HS6ST3: variants seen among roughly 807,000 people sequenced by gnomAD.
The protein encoded by HS6ST3 is heparan sulfate 6-O-sulfotransferase 3, also known as heparan-sulfate 6-O-sulfotransferase 3.
A neutral mutation model predicts 36.7 loss-of-function variants in HS6ST3; 12 were observed. The observed-to-expected ratio is 0.33, with a 90% confidence interval of 0.21 to 0.53. The LOEUF is 0.53. Ranked by LOEUF, HS6ST3 falls within the 20% of genes least tolerant of loss-of-function variation. HS6ST3 has a pLI of 0.95. For missense variants in HS6ST3, 584 were observed against 640.9 expected (o/e 0.91, Z 0.96); for synonymous variants, 240 against 257.5 (o/e 0.93, Z 0.65).
At position 96,428,849 on chromosome 13, in the gene HS6ST3, A is replaced by G. The variant is rs778562720; in HGVS notation, c.707+337280A>G. 2.6e-5 allele frequency among the ~76,000 whole-genome samples: 4 copies of G among 152,354 alleles called. No homozygotes were observed. The South Asian group carries it at 8.3e-4, about 32-fold the overall frequency. ...GGAGAAAACCATCACAGCAAACATA[A>G]TGAAGCTCGATGAGGACAAAAATGC... On this transcript the variant is annotated intron_variant, in intron 1 of 1. Transcript: ENST00000376705.
intron 1 of HS6ST3, among the ~76,000 whole-genome samples, chr13:96,597,735 AT>A (rs201556537): frequency 6.6e-6 from 1 of 151,246 alleles, no homozygotes; most frequent in East Asian, 1.9e-4. Context: ...TTAAGTTATA[AT>A]TTTTTTTGCA....
intron 1 of HS6ST3, among the ~76,000 whole-genome samples, chr13:96,332,053 A>G (rs918389221): frequency 1.3e-5 from 2 of 152,172 alleles, no homozygotes; most frequent in Non-Finnish European, 2.9e-5. Flanking sequence ...CGCAGGGTGC[A>G]CGCACCCACT....
intron 1 of HS6ST3, among the ~76,000 whole-genome samples, chr13:96,331,003 G>A (rs1239343805): frequency 2.0e-5 from 3 of 151,922 alleles, no homozygotes; most frequent in East Asian, 1.9e-4. Flanking sequence ...CATTCTTCAC[G>A]TAGTTCTTGA....
At chr13:96,657,282 C>T (rs887730771) in intron 1 of HS6ST3, among the ~76,000 whole-genome samples, 6 of 152,020 alleles carry the variant, frequency 3.9e-5, no homozygotes, top group African/African-American at 1.2e-4. Flanking sequence ...GCTTTAAGGC[C>T]AGGCACAGTG....
chr13:96,579,803 AT>A (rs544417636), intron 1 of HS6ST3, among the ~76,000 whole-genome samples: 2 of 152,194 alleles, frequency 1.3e-5, no homozygotes, highest in South Asian at 4.2e-4. Flanking sequence ...CCCTGATGGC[AT>A]TTCTAGAGTG....
intron 1 of HS6ST3, among the ~76,000 whole-genome samples, chr13:96,189,265 G>A (rs78000579): frequency 2.0e-5 from 3 of 152,200 alleles, no homozygotes; most frequent in East Asian, 3.9e-4. Flanking sequence ...AACAGAGTTC[G>A]TGAGTGGGGG....
chr13:96,670,850 G>C (rs138682264), intron 1 of HS6ST3, among the ~76,000 whole-genome samples: 10 of 152,246 alleles, frequency 6.6e-5, no homozygotes, highest in Non-Finnish European at 1.2e-4. Flanking sequence ...CATCTGTGCA[G>C]CCAGAGGTCC....
chr13:96,163,315 C>T lies in HS6ST3; in HGVS notation c.707+71746C>T, dbSNP rs148194461. ...TGCCATCTCGGCTCACTGCAAGCTC[C>T]GCCCCCCGGGTTCACGACATTCTCC... On this transcript the variant is annotated intron_variant, in intron 1 of 1. Coordinates refer to ENST00000376705, the MANE Select transcript of HS6ST3 (RefSeq NM_153456.4). Among the ~76,000 whole-genome samples the T allele has an allele frequency of 4.7e-3, 704 of 150,886 alleles. 1 individual carries two copies. Among genetic ancestry groups the T allele is most frequent in the Non-Finnish European group, 6.5e-3 (443 of 67,754 alleles).
intron 1 of HS6ST3, among the ~76,000 whole-genome samples, chr13:96,205,568 A>G (rs1018010440): frequency 2.0e-5 from 3 of 152,212 alleles, no homozygotes; most frequent in Non-Finnish European, 4.4e-5. Flanking sequence ...CATCGATACA[A>G]AAATCTTCAA....
At chr13:96,816,638 G>A (rs1878427870) in intron 1 of HS6ST3, among the ~76,000 whole-genome samples, 1 of 152,208 alleles carries the variant, frequency 6.6e-6, no homozygotes, top group South Asian at 2.1e-4. Flanking sequence ...AGGAGAGCCA[G>A]CTGTCCAGGG....
chr13:96,580,701 A>C (rs1467636393), intron 1 of HS6ST3, among the ~76,000 whole-genome samples: 1 of 152,162 alleles, frequency 6.6e-6, no homozygotes, highest in Non-Finnish European at 1.5e-5. Flanking sequence ...TAAATTACTT[A>C]AAATATTGTT....
In HS6ST3 at chr13:96,690,513, T is replaced by A. The variant is rs895936461; in HGVS notation, c.708-141977T>A. Among the ~76,000 whole-genome samples the A allele has an allele frequency of 2.6e-5, 4 of 152,094 alleles. No individual in the cohort carries two copies. In the East Asian group the frequency reaches 7.7e-4, roughly 29 times the overall value. On this transcript the variant is annotated intron_variant, in intron 1 of 1. Coordinates refer to ENST00000376705, the MANE Select transcript of HS6ST3 (RefSeq NM_153456.4). ...TCTAGTATGTGCCCCAGGACCTGCA[T>A]GGATCATTCTGAAATAAAATCATCT...
At chr13:96,432,968 T>C (rs1224901637) in intron 1 of HS6ST3, among the ~76,000 whole-genome samples, 1 of 152,188 alleles carries the variant, frequency 6.6e-6, no homozygotes, top group Non-Finnish European at 1.5e-5. Flanking sequence ...TGCATGGTAA[T>C]TTTCCCTCTC....
At chr13:96,223,905 C>CAGCTAGTT (rs1328910097) in intron 1 of HS6ST3, among the ~76,000 whole-genome samples, 1 of 152,040 alleles carries the variant, frequency 6.6e-6, no homozygotes, top group Admixed American at 6.6e-5. Flanking sequence ...TTCCAGATGG[C>CAGCTAGTT]AGCTAGTTCT....
At chr13:96,606,295 C>T (rs1489075283) in intron 1 of HS6ST3, among the ~76,000 whole-genome samples, 1 of 152,076 alleles carries the variant, frequency 6.6e-6, no homozygotes. Flanking sequence ...GCACTTTTCA[C>T]ACTAACAAAG....
chr13:96,289,876 G>A (rs1437472888), intron 1 of HS6ST3, among the ~76,000 whole-genome samples: 1 of 152,078 alleles, frequency 6.6e-6, no homozygotes, highest in Non-Finnish European at 1.5e-5. Context: ...GCGAGTGTGA[G>A]GATTAAAGAA....
At chr13:96,703,258 G>C (rs115860335) in intron 1 of HS6ST3, among the ~76,000 whole-genome samples, 1 of 152,112 alleles carries the variant, frequency 6.6e-6, no homozygotes, top group Non-Finnish European at 1.5e-5. Context: ...TATTGACGTC[G>C]GCATTGCCCA....
chr13:96,587,262 C>T (rs2056365269), intron 1 of HS6ST3, among the ~76,000 whole-genome samples: 1 of 151,562 alleles, frequency 6.6e-6, no homozygotes, highest in Non-Finnish European at 1.5e-5. Context: ...TTTTGCTCAA[C>T]ATTTCTTTGG....
intron 1 of HS6ST3, among the ~76,000 whole-genome samples, chr13:96,555,304 TATA>T (rs1422756250): frequency 3.9e-5 from 6 of 152,288 alleles, no homozygotes; most frequent in Admixed American, 2.0e-4. Context: ...ACACTATAAA[TATA>T]TACATTTTTT....
Sources: gnomAD v4.1 joint callset for allele counts (sites outside exome capture counted in the v4.1 genomes callset) on GRCh38, gnomAD v4.1.1 for gene constraint, MANE v1.5 for transcripts, NCBI Gene and HGNC (gene_info 2026-07-23, HGNC 2026-07-21) for gene names.